The following ATRX variants were observed in gnomAD, a reference collection of about 807,000 sequenced individuals.
ATRX encodes the protein chromatin remodeler ATRX.
Under a neutral mutation model 172.6 loss-of-function variants are expected in ATRX, and 12 were observed. The ratio of observed to expected loss-of-function variants is 0.07; its 90% CI spans 0.04 to 0.11. ATRX has a LOEUF of 0.11. Among genes scored for constraint, ATRX ranks in the 10% least tolerant of loss-of-function variants. ATRX has a pLI of 1.00. For missense variants in ATRX, 1,368 were observed against 1,767.4 expected (o/e 0.77, Z 4.05); for synonymous variants, 674 against 594.7 (o/e 1.13, Z -1.94).
At chrX:77,711,895 C>G (rs2073129958) in intron 2 of ATRX, among the ~76,000 whole-genome samples, 1 of 112,200 alleles carries the variant, frequency 8.9e-6, no homozygotes, top group South Asian at 3.7e-4. Context: ...AACTCCAAAC[C>G]CTTTCCACCC....
At position 77,682,710 on chromosome X, in the gene ATRX, G is replaced by C. The variant is rs2148594846; in HGVS notation, c.2546C>G (p.Ser849Cys). The C allele has an allele frequency of 8.3e-7, 1 of 1,209,421 alleles. No individual in the cohort carries two copies. Among genetic ancestry groups the C allele is most frequent in the Non-Finnish European group, 1.1e-6 (1 of 895,060 alleles). ...TTTGCTGTGTTTCTCATCTTCAGAA[G>C]AGTCAAAATCTTTTGTATTTGGAAT... is the stretch of plus-strand genomic sequence containing the variant. ...KRIPNTKDFD[S>C]SEDEKHSKKG... Residue 849 changes from serine (S) to cysteine (C), a missense_variant, in exon 9 of 35, where the codon TCT becomes TGT. Coordinates refer to ENST00000373344, the MANE Select transcript of ATRX (RefSeq NM_000489.6).
rs2148158791 is a variant in ATRX, at chrX:77,600,548, A to G, written c.5583T>C (p.Ser1861=). Residue 1861 remains serine (S), a synonymous_variant, in exon 23 of 35, where the codon AGT becomes AGC. Coordinates refer to ENST00000373344, the MANE Select transcript of ATRX (RefSeq NM_000489.6). ...LDHLTGVGNN[S]EGGRGKAGAK... is the part of the protein sequence containing the mutation. ...CACCTGCCTTTCCTCTTCCACCTTCACTATTATTGCCCACACCTGATCAAA... is the reference window on the plus strand; with the variant it reads ...CACCTGCCTTTCCTCTTCCACCTTCGCTATTATTGCCCACACCTGATCAAA... 8.3e-7 allele frequency: 1 copy of G among 1,210,664 alleles called. No homozygotes were observed. The highest frequency in any genetic ancestry group is 1.1e-6 in the Non-Finnish European group (1 of 894,762).
At position 77,753,712 on chromosome X, in the gene ATRX, C is replaced by T. The variant is rs150523940; in HGVS notation, c.20+32270G>A. Among the ~76,000 whole-genome samples the T allele has an allele frequency of 7.2e-3, 799 of 111,549 alleles. 9 individuals are homozygous for T. The highest frequency in any genetic ancestry group is 0.025 in the African/African-American group (768 of 30,744). ...AACTTCTTTATTTCTGCCTTAATTT[C>T]GTTATTTACCAGCAGTCATTCAGGA... is the stretch of plus-strand genomic sequence containing the variant. On this transcript the variant is annotated intron_variant, in intron 1 of 34. Transcript: ENST00000373344.
chrX:77,682,458 G>A lies in ATRX; in HGVS notation c.2798C>T (p.Ser933Phe). ...KLSGKEESFT[S>F]LEVRKVAETK... ...TTCAGCAACTTTTCTAACTTCCAAA[G>A]AAGTAAAACTCTCCTCTTTCCCAGA... Residue 933 changes from serine to phenylalanine, a missense_variant, in exon 9 of 35, where the codon TCT becomes TTT. Physicochemically the swap from Ser to Phe is radical, Grantham distance 155. This residue lies in a region of ATRX where 843 missense variants were observed against 643.1 expected (regional missense o/e 1.31). Coordinates refer to ENST00000373344, the MANE Select transcript of ATRX (RefSeq NM_000489.6). 8.3e-7 allele frequency: 1 copy of A among 1,211,217 alleles called. No individual in the cohort carries two copies. The highest frequency in any genetic ancestry group is 1.7e-5 in the African/African-American group (1 of 57,739).
chrX:77,779,091 ATTTTTTTTT>A (rs1169146207), intron 1 of ATRX, among the ~76,000 whole-genome samples: 8 of 62,779 alleles, frequency 1.3e-4, no homozygotes, highest in Non-Finnish European at 2.3e-4. Flanking sequence ...CCATGCCCGG[ATTTTTTTTT>A]TTTTTTTTTT....
At chrX:77,660,613 TA>T (rs1407645013) in intron 12 of ATRX, among the ~76,000 whole-genome samples, 3 of 109,469 alleles carry the variant, frequency 2.7e-5, no homozygotes, top group Non-Finnish European at 5.7e-5. Context: ...ATAATAATAA[TA>T]AAAAAGAAAT....
At chrX:77,779,091 A>ATTT (rs1169146207) in intron 1 of ATRX, among the ~76,000 whole-genome samples, 20 of 62,744 alleles carry the variant, frequency 3.2e-4, no homozygotes, top group Middle Eastern at 0.014. Context: ...CCATGCCCGG[A>ATTT]TTTTTTTTTT....
Position 77,652,351 on chromosome X carries a change from A to G in ATRX, c.4320T>C (p.Ser1440=). The change falls in exon 15 of 35, where the codon AGT becomes AGC. Residue 1440 remains serine, a splice_region_variant and synonymous_variant. Transcript: ENST00000373344. The part of the protein sequence containing the change: ...VQEDSSSENK[S]NSEEEEEEKE... ...TTTCCTCCTCTTCTTCCTCAGAATT[A>G]CTCTACAGAATTTAAACAATTAGAG... The G allele has an allele frequency of 8.3e-7, 1 of 1,201,096 alleles. No individual in the cohort carries two copies. Among genetic ancestry groups the G allele is most frequent in the South Asian group, 1.8e-5 (1 of 56,713 alleles).
chrX:77,534,888 C>T (rs1343660790), intron 30 of ATRX, among the ~76,000 whole-genome samples: 2 of 111,195 alleles, frequency 1.8e-5, no homozygotes, highest in South Asian at 3.7e-4. Flanking sequence ...ATAATCAAGG[C>T]TTTGCCTGGG....
intron 7 of ATRX, 73 bp downstream of exon 7, chrX:77,688,740 GACTGT>G (rs2071719511): frequency 3.7e-6 from 3 of 818,382 alleles, no homozygotes; most frequent in Admixed American, 4.5e-5. Context: ...CTTTCTTCAA[GACTGT>G]GCCCTCAAAG....
intron 12 of ATRX, among the ~76,000 whole-genome samples, chrX:77,660,966 C>A (rs1382432866): frequency 2.7e-5 from 3 of 112,202 alleles, no homozygotes; most frequent in Non-Finnish European, 1.9e-5. Context: ...AGTCAATCTT[C>A]CTCTTCTCCA....
intron 20 of ATRX, 27 bp downstream of exon 20, chrX:77,620,368 A>G (rs924531086): frequency 8.4e-7 from 1 of 1,197,095 alleles, no homozygotes; most frequent in Non-Finnish European, 1.1e-6. Context: ...CCAATATTCT[A>G]CTGCATAATC....
chrX:77,692,444 C>T (rs1269698547), intron 6 of ATRX, among the ~76,000 whole-genome samples: 1 of 111,627 alleles, frequency 9.0e-6, no homozygotes, highest in Non-Finnish European at 1.9e-5. Flanking sequence ...TTTTTGCCAA[C>T]AACCTTACAA....
At chrX:77,678,650 C>A (rs1052310710) in intron 9 of ATRX, among the ~76,000 whole-genome samples, 1 of 111,290 alleles carries the variant, frequency 9.0e-6, no homozygotes, top group Non-Finnish European at 1.9e-5. Context: ...CTACACCTGG[C>A]TAATTTTTTT....
chrX:77,544,181 A>G (rs1400756547), intron 30 of ATRX, among the ~76,000 whole-genome samples: 1 of 111,747 alleles, frequency 8.9e-6, no homozygotes, highest in East Asian at 2.8e-4. Context: ...AAATGTGGCA[A>G]AACAATAATT....
At chrX:77,747,300 G>C (rs1332904398) in intron 1 of ATRX, among the ~76,000 whole-genome samples, 1 of 110,514 alleles carries the variant, frequency 9.0e-6, no homozygotes, top group South Asian at 3.9e-4. Context: ...AAGGCAGGCA[G>C]ATCACCTAAG....
intron 21 of ATRX, among the ~76,000 whole-genome samples, chrX:77,617,720 CTT>C (rs1422030941): frequency 1.8e-5 from 2 of 109,994 alleles, no homozygotes; most frequent in African/African-American, 3.3e-5. Flanking sequence ...TAATTATTTT[CTT>C]TCTTTTTTTT....
intron 1 of ATRX, among the ~76,000 whole-genome samples, chrX:77,769,821 C>T (rs1198887342): frequency 1.8e-5 from 2 of 110,969 alleles, no homozygotes; most frequent in East Asian, 2.9e-4. Context: ...CAGGGCCAGG[C>T]GTGGTGGCTC....
Position 77,693,839 on chromosome X carries a change from G to C in ATRX, c.469C>G (p.Leu157Val). 2 of 1,207,320 alleles carry C rather than the reference G, an allele frequency of 1.7e-6. No homozygotes were observed. Among genetic ancestry groups the C allele is most frequent in the Non-Finnish European group, 2.2e-6 (2 of 892,057 alleles). ...TTGTATTTACCTCCGCGTTTTTTGA[G>C]ATTTTCAGTTTTCATTTTACTTCTG... The part of the protein sequence containing the change: ...RSRSKMKTEN[L>V]KKRGEDGLHG... The change falls in exon 6 of 35, where the codon CTC (leucine) becomes GTC (valine). Residue 157 changes from leucine (L) to valine (V), a missense_variant. Transcript: ENST00000373344.
Sources: allele counts gnomAD v4.1 joint callset (sites outside exome capture counted in the v4.1 genomes callset), GRCh38; gene constraint gnomAD v4.1.1; regional missense constraint gnomAD v4.1.1; transcripts MANE v1.5; gene names NCBI Gene and HGNC (gene_info 2026-07-23, HGNC 2026-07-21).